Variants in PPP2R2C observed in about 807,000 individuals in gnomAD.
PPP2R2C encodes protein phosphatase 2 regulatory subunit Bgamma.
Under a neutral mutation model 45.3 loss-of-function variants are expected in PPP2R2C, and 10 were observed. The observed-to-expected ratio is 0.22, with a 90% CI of 0.14 to 0.37. The LOEUF is 0.37. PPP2R2C is among the 10% of genes least tolerant of loss of function. The probability of loss-of-function intolerance (pLI) is 1.00; values close to 1 mark genes in which losing one functional copy is unlikely to be tolerated. For missense variants in PPP2R2C, 308 were observed against 619.7 expected, an observed-to-expected ratio of 0.50 and a Z score of 5.34; for synonymous variants, 257 against 245.4, an observed-to-expected ratio of 1.05 and a Z score of -0.44.
intron 1 of PPP2R2C, among the ~76,000 whole-genome samples, chr4:6,396,783 G>A (rs1185361768): frequency 6.6e-6 from 1 of 152,254 alleles, no homozygotes; most frequent in Non-Finnish European, 1.5e-5. Context: ...GGGCTGGGAG[G>A]GGGTAGAGAG....
chr4:6,405,583 C>T (rs1560521447), intron 1 of PPP2R2C, among the ~76,000 whole-genome samples: 1 of 152,176 alleles, frequency 6.6e-6, no homozygotes, highest in Non-Finnish European at 1.5e-5. Flanking sequence ...CTCTTTATGG[C>T]TTCCTGGGCC....
intron 1 of PPP2R2C, among the ~76,000 whole-genome samples, chr4:6,557,713 T>A (rs2108845075): frequency 6.6e-6 from 1 of 152,206 alleles, no homozygotes; most frequent in South Asian, 2.1e-4. Context: ...GGAGTCTGGA[T>A]TGGGAGGCCC....
chr4:6,342,117 CACACACACACATACATATATAT>C (rs1200829393), intron 6 of PPP2R2C, among the ~76,000 whole-genome samples: 7 of 139,412 alleles, frequency 5.0e-5, no homozygotes, highest in African/African-American at 2.0e-4. Flanking sequence ...CACACACACA[CACACACACACATACATATATAT>C]ACATACATAT....
At chr4:6,544,871 G>A (rs773583760) in intron 1 of PPP2R2C, among the ~76,000 whole-genome samples, 8 of 152,246 alleles carry the variant, frequency 5.3e-5, no homozygotes, top group Non-Finnish European at 1.0e-4. Context: ...TCACTGCACA[G>A]TGAGGTTGAT....
At chr4:6,355,243 C>G (rs191232259) in intron 5 of PPP2R2C, among the ~76,000 whole-genome samples, 432 of 152,146 alleles carry the variant, frequency 2.8e-3, no homozygotes, top group Non-Finnish European at 4.8e-3. Context: ...CCCCTCTGAT[C>G]AGGGCTCAGG....
intron 1 of PPP2R2C, among the ~76,000 whole-genome samples, chr4:6,538,577 C>T (rs1256916093): frequency 1.3e-5 from 2 of 152,144 alleles, no homozygotes; most frequent in East Asian, 1.9e-4. Flanking sequence ...ATCTTCCAAA[C>T]GCCAATAACA....
chr4:6,380,652 G>A (rs1167991350), intron 2 of PPP2R2C, among the ~76,000 whole-genome samples: 1 of 152,148 alleles, frequency 6.6e-6, no homozygotes, highest in Non-Finnish European at 1.5e-5. Flanking sequence ...ATGGGATGCA[G>A]GCAGCTCTCC....
At chr4:6,430,073 G>C (rs527967212) in intron 1 of PPP2R2C, among the ~76,000 whole-genome samples, 2 of 152,170 alleles carry the variant, frequency 1.3e-5, no homozygotes, top group Non-Finnish European at 2.9e-5. Context: ...CACCTCATAA[G>C]TGGGCCACGA....
intron 1 of PPP2R2C, among the ~76,000 whole-genome samples, chr4:6,434,707 G>C (rs1036777344): frequency 2.0e-5 from 3 of 152,124 alleles, no homozygotes; most frequent in African/African-American, 7.2e-5. Context: ...GAAATCCATA[G>C]CCATGTTTCT....
intron 5 of PPP2R2C, among the ~76,000 whole-genome samples, chr4:6,360,247 C>G (rs1247392772): frequency 6.6e-6 from 1 of 152,242 alleles, no homozygotes; most frequent in Non-Finnish European, 1.5e-5. Context: ...GGCTCCCTAA[C>G]TTCCAGTCAG....
At chr4:6,548,392 A>T (rs796175911) in intron 1 of PPP2R2C, among the ~76,000 whole-genome samples, 10 of 152,240 alleles carry the variant, frequency 6.6e-5, no homozygotes, top group Admixed American at 2.0e-4. Context: ...CACAGCCACC[A>T]GCCGGCACAT....
intron 2 of PPP2R2C, among the ~76,000 whole-genome samples, chr4:6,499,229 G>T (rs192857900): frequency 3.4e-4 from 52 of 152,298 alleles, no homozygotes; most frequent in Non-Finnish European, 6.9e-4. Flanking sequence ...ACTATGAGCA[G>T]CCCAGGGGAA....
In PPP2R2C at chr4:6,321,424, A is replaced by G. The variant is rs1425117750; in HGVS notation, c.*1878T>C. The stretch of plus-strand genomic sequence containing the variant: ...ATTTAATTAGAATAGATATGTACAT[A>G]TAATACTGTCCAGGTCAACTGGATT... On this transcript the variant is annotated 3_prime_UTR_variant, in exon 9 of 9. Coordinates refer to ENST00000382599, the MANE Select transcript of PPP2R2C (RefSeq NM_020416.4). 1.3e-5 allele frequency: 2 copies of G among 152,648 alleles called. No individual in the cohort carries two copies. Among genetic ancestry groups the G allele is most frequent in the African/African-American group, 2.4e-5 (1 of 41,470 alleles). The allele number at this position is 152,648 out of a possible 1,614,324, so 9.5% of individuals were successfully genotyped here. A position where few individuals can be genotyped will look rare whatever the true frequency, so the allele number is the denominator to read the frequency against.
At chr4:6,382,209 C>A (rs913187042) in intron 1 of PPP2R2C, 1 of 1,203,426 alleles carries the variant, frequency 8.3e-7, no homozygotes, top group Non-Finnish European at 1.1e-6. Flanking sequence ...TCCCCATAGG[C>A]CCAAGCAGCA....
chr4:6,466,131 C>T (rs954752729), intron 1 of PPP2R2C, among the ~76,000 whole-genome samples: 2 of 152,222 alleles, frequency 1.3e-5, no homozygotes, highest in African/African-American at 4.8e-5. Context: ...ACTACAGACG[C>T]ACTGAGAAGG....
At chr4:6,448,812 A>G (rs1334707346) in intron 1 of PPP2R2C, among the ~76,000 whole-genome samples, 1 of 152,054 alleles carries the variant, frequency 6.6e-6, no homozygotes, top group African/African-American at 2.4e-5. Context: ...AATGGCCACC[A>G]CCCCAAGGGG....
chr4:6,513,506 C>T (rs1389671551), intron 2 of PPP2R2C, among the ~76,000 whole-genome samples: 1 of 152,158 alleles, frequency 6.6e-6, no homozygotes, highest in Non-Finnish European at 1.5e-5. Flanking sequence ...AAGAGGCTTG[C>T]CAGTCACTGC....
intron 1 of PPP2R2C, among the ~76,000 whole-genome samples, chr4:6,466,233 G>A (rs949579651): frequency 6.6e-6 from 1 of 152,160 alleles, no homozygotes; most frequent in South Asian, 2.1e-4. Context: ...CCACAGACTC[G>A]CCTGCCACAC....
At chr4:6,524,000 G>A (rs1011120472) in intron 2 of PPP2R2C, among the ~76,000 whole-genome samples, 20 of 152,008 alleles carry the variant, frequency 1.3e-4, no homozygotes, top group Admixed American at 3.3e-4. Context: ...TGCAACCTCC[G>A]CCTCCCAGGT....
Sources: gnomAD v4.1 joint callset for allele counts (sites outside exome capture counted in the v4.1 genomes callset) on GRCh38, gnomAD v4.1.1 for gene constraint, MANE v1.5 for transcripts, NCBI Gene and HGNC (gene_info 2026-07-23, HGNC 2026-07-21) for gene names.